NDFIP1: variants seen among roughly 807,000 people sequenced by gnomAD.
NDFIP1 encodes the protein Nedd4 family interacting protein 1.
A neutral mutation model predicts 28.8 loss-of-function variants in NDFIP1; 7 were observed. That is an observed-to-expected ratio of 0.24 (90% CI 0.14 to 0.46). The LOEUF is 0.46. NDFIP1 is among the 20% of genes least tolerant of loss of function. The pLI is 0.99. For synonymous variants in NDFIP1, 92 were observed against 101.0 expected, an observed-to-expected ratio of 0.91 and a Z score of 0.53; for missense variants, 194 against 269.1, an observed-to-expected ratio of 0.72 and a Z score of 1.95.
intron 7 of NDFIP1, among the ~76,000 whole-genome samples, chr5:142,148,613 T>C (rs13176276): frequency 0.11 from 16,305 of 151,888 alleles, 1,222 homozygotes; most frequent in East Asian, 0.37. Context: ...TATCTGGGTG[T>C]GGTGGTGTGC....
chr5:142,142,241 T>C (rs571986066), intron 6 of NDFIP1, among the ~76,000 whole-genome samples: 2 of 152,252 alleles, frequency 1.3e-5, no homozygotes, highest in African/African-American at 4.8e-5. Context: ...CATCGCACCA[T>C]CTACCACCTC....
intron 1 of NDFIP1, among the ~76,000 whole-genome samples, chr5:142,124,181 A>G (rs1277790164): frequency 6.6e-6 from 1 of 152,088 alleles, no homozygotes; most frequent in Non-Finnish European, 1.5e-5. Context: ...TCAGTACTAG[A>G]AATATTTGGA....
chr5:142,130,241 G>A (rs938038203), intron 1 of NDFIP1, among the ~76,000 whole-genome samples: 1 of 152,284 alleles, frequency 6.6e-6, no homozygotes, highest in African/African-American at 2.4e-5. Flanking sequence ...CAAATGAAAT[G>A]TCTTTATTCT....
chr5:142,116,795 C>T (rs1452291182), intron 1 of NDFIP1, among the ~76,000 whole-genome samples: 1 of 152,064 alleles, frequency 6.6e-6, no homozygotes, highest in African/African-American at 2.4e-5. Context: ...ACTGCAATCT[C>T]CGCCTCCTGG....
intron 1 of NDFIP1, among the ~76,000 whole-genome samples, chr5:142,120,953 C>T (rs1413714487): frequency 6.6e-6 from 1 of 152,212 alleles, no homozygotes; most frequent in Non-Finnish European, 1.5e-5. Flanking sequence ...ATAATGTCTA[C>T]CTGAGTATGC....
rs1472418135 is a variant in NDFIP1 at position 142,153,997 on chromosome 5, A to G, written c.*2269A>G. 6.6e-6 allele frequency: 1 copy of G among 152,424 alleles called. No individual in the cohort carries two copies. Among genetic ancestry groups the G allele is most frequent in the Non-Finnish European group, 1.5e-5 (1 of 68,102 alleles). 9.4% of individuals were successfully genotyped at this position (152,424 alleles called of 1,614,324 possible). A position where few individuals can be genotyped will look rare whatever the true frequency, so the allele number is the denominator to read the frequency against. ...GGATGATTTCTCTTTAATCGTTTAA[A>G]TGTTCTGAAAATTAAAATCTTTTGA... On this transcript the variant is annotated 3_prime_UTR_variant, in exon 8 of 8. Transcript: ENST00000253814.
intron 1 of NDFIP1, among the ~76,000 whole-genome samples, chr5:142,119,681 T>C (rs1430976787): frequency 6.6e-6 from 1 of 152,190 alleles, no homozygotes; most frequent in Non-Finnish European, 1.5e-5. Context: ...CCAAACTTTC[T>C]GCTAATGATC....
intron 5 of NDFIP1, among the ~76,000 whole-genome samples, 185 bp from the exon 6 acceptor site, chr5:142,140,378 G>A (rs913586311): frequency 3.3e-5 from 5 of 150,934 alleles, no homozygotes; most frequent in Admixed American, 6.6e-5. Context: ...AACCTGAGAG[G>A]CAGAGGTTGC....
At chr5:142,126,051 A>G (rs948647545) in intron 1 of NDFIP1, among the ~76,000 whole-genome samples, 2 of 152,150 alleles carry the variant, frequency 1.3e-5, no homozygotes, top group African/African-American at 4.8e-5. Flanking sequence ...CTTGAATGTA[A>G]ATAATTTGGT....
chr5:142,139,114 G>A (rs1023404875), intron 5 of NDFIP1, among the ~76,000 whole-genome samples: 4 of 151,926 alleles, frequency 2.6e-5, no homozygotes, highest in Admixed American at 6.6e-5. Flanking sequence ...CAGCTACTCG[G>A]GAGGCTGAGG....
chr5:142,117,926 C>A (rs752437336), intron 1 of NDFIP1, among the ~76,000 whole-genome samples: 1 of 151,976 alleles, frequency 6.6e-6, no homozygotes, highest in Admixed American at 6.6e-5. Context: ...AGATGGGTTC[C>A]TGCTATGTTG....
At chr5:142,149,614 T>C (rs899847424) in intron 7 of NDFIP1, among the ~76,000 whole-genome samples, 1 of 152,156 alleles carries the variant, frequency 6.6e-6, no homozygotes, top group Non-Finnish European at 1.5e-5. Context: ...TTGGAGATTG[T>C]GTGGTGATTG....
At chr5:142,146,559 C>T (rs1757391589) in intron 7 of NDFIP1, among the ~76,000 whole-genome samples, 1 of 152,166 alleles carries the variant, frequency 6.6e-6, no homozygotes, top group Non-Finnish European at 1.5e-5. Flanking sequence ...CTAATATTTT[C>T]CCTCTAATAC....
chr5:142,150,820 A>G (rs181528982), intron 7 of NDFIP1, among the ~76,000 whole-genome samples: 11 of 152,280 alleles, frequency 7.2e-5, no homozygotes, highest in Admixed American at 1.3e-4. Context: ...TTATAGGCCG[A>G]TATTTGAGCC....
At chr5:142,131,771 C>T in intron 1 of NDFIP1, 37 bp from the exon 2 acceptor site, 1 of 1,501,712 alleles carries the variant, frequency 6.7e-7, no homozygotes, top group Admixed American at 2.3e-5. Flanking sequence ...TTCTAATTGG[C>T]TTTATGCTTA....
At chr5:142,121,535 G>A (rs1435627830) in intron 1 of NDFIP1, among the ~76,000 whole-genome samples, 2 of 152,148 alleles carry the variant, frequency 1.3e-5, no homozygotes, top group Admixed American at 6.5e-5. Context: ...TGTTTCACAC[G>A]TATTCTTTTA....
At position 142,153,440 on chromosome 5, in the gene NDFIP1, T is replaced by G. The variant is rs1312159373; in HGVS notation, c.*1712T>G. Reference sequence around the variant, plus strand: ...GATATCAGTATATAATGCACAGAAGTGTGGGTTGTTTGAAAGCCAAACAGG... The same window carrying G: ...GATATCAGTATATAATGCACAGAAGGGTGGGTTGTTTGAAAGCCAAACAGG... On this transcript the variant is annotated 3_prime_UTR_variant, in exon 8 of 8. Coordinates refer to ENST00000253814, the MANE Select transcript of NDFIP1 (RefSeq NM_030571.4). 2 of 456,242 alleles carry G rather than the reference T, an allele frequency of 4.4e-6. No homozygotes were observed. Among genetic ancestry groups the G allele is most frequent in the African/African-American group, 4.0e-5 (2 of 50,058 alleles). The allele number at this position is 456,242 out of a possible 1,614,324, so 28.3% of individuals were successfully genotyped here. A position where few individuals can be genotyped will look rare whatever the true frequency, so the allele number is the denominator to read the frequency against.
At chr5:142,125,795 T>C (rs190290679) in intron 1 of NDFIP1, among the ~76,000 whole-genome samples, 59 of 152,354 alleles carry the variant, frequency 3.9e-4, no homozygotes, top group African/African-American at 1.4e-3. Context: ...TTTTTTATTA[T>C]AGCCATCCTA....
intron 1 of NDFIP1, among the ~76,000 whole-genome samples, chr5:142,112,027 A>G (rs1481957249): frequency 6.6e-6 from 1 of 151,300 alleles, no homozygotes; most frequent in East Asian, 2.0e-4. Context: ...AGATTGTGCC[A>G]CTGAACCCCA....
Sources: allele counts gnomAD v4.1 joint callset (sites outside exome capture counted in the v4.1 genomes callset), GRCh38; gene constraint gnomAD v4.1.1; transcripts MANE v1.5; gene names NCBI Gene and HGNC (gene_info 2026-07-23, HGNC 2026-07-21).